Variants in SEMA3C observed in about 807,000 individuals in gnomAD.
SEMA3C encodes the protein semaphorin 3C.
In SEMA3C, 47 loss-of-function variants were observed where a neutral mutation model predicts 89.4. The ratio of observed to expected loss-of-function variants is 0.53; its 90% confidence interval spans 0.42 to 0.67. The LOEUF is 0.67. Ranked by LOEUF, SEMA3C falls within the 30% of genes least tolerant of loss-of-function variation. The pLI is 0.00. For missense variants in SEMA3C, 839 were observed against 929.1 expected, an observed-to-expected ratio of 0.90 and a Z score of 1.26; for synonymous variants, 310 against 320.2, an observed-to-expected ratio of 0.97 and a Z score of 0.34.
intron 2 of SEMA3C, among the ~76,000 whole-genome samples, chr7:80,831,098 G>A (rs1279896427): frequency 6.6e-6 from 1 of 152,172 alleles, no homozygotes; most frequent in East Asian, 1.9e-4. Context: ...GTAAGATATT[G>A]CTTGGGCTGC....
At chr7:80,904,313 T>A (rs1353708302) in intron 2 of SEMA3C, among the ~76,000 whole-genome samples, 3 of 152,196 alleles carry the variant, frequency 2.0e-5, no homozygotes, top group Non-Finnish European at 4.4e-5. Context: ...AGTGCTGGGA[T>A]TACAGGCATG....
At chr7:80,902,133 T>C (rs1791895953) in intron 2 of SEMA3C, among the ~76,000 whole-genome samples, 1 of 152,192 alleles carries the variant, frequency 6.6e-6, no homozygotes, top group Non-Finnish European at 1.5e-5. Flanking sequence ...CTGTATGTTT[T>C]GTAGAGAAAG....
At chr7:80,810,347 A>G (rs996157898) in intron 6 of SEMA3C, among the ~76,000 whole-genome samples, 4 of 152,324 alleles carry the variant, frequency 2.6e-5, no homozygotes, top group African/African-American at 7.2e-5. Context: ...ATGATAATAT[A>G]TAAGTATACA....
At chr7:80,792,544 T>C (rs1315399737) in intron 11 of SEMA3C, among the ~76,000 whole-genome samples, 6 of 152,204 alleles carry the variant, frequency 3.9e-5, no homozygotes. Flanking sequence ...AAATGACCAG[T>C]GCCTAGTCTC....
chr7:80,779,211 C>G (rs1408317631), intron 12 of SEMA3C, among the ~76,000 whole-genome samples: 1 of 152,164 alleles, frequency 6.6e-6, no homozygotes, highest in African/African-American at 2.4e-5. Context: ...TCAGTTTACA[C>G]AACTGTAAAA....
Position 80,744,720 on chromosome 7 carries a change from G to A in SEMA3C, c.*174C>T. Reference sequence around the variant, plus strand: ...GAGGACCATGACATGTCTAGTGCTAGTCACTATCATACAAGAAAATGCATG... The same window carrying A: ...GAGGACCATGACATGTCTAGTGCTAATCACTATCATACAAGAAAATGCATG... On this transcript the variant is annotated 3_prime_UTR_variant, in exon 18 of 18. Transcript: ENST00000265361. 2 of 663,722 alleles carry A rather than the reference G, an allele frequency of 3.0e-6. No individual in the cohort carries two copies. The highest frequency in any genetic ancestry group is 2.7e-5 in the East Asian group (1 of 37,052). 41.1% of individuals were successfully genotyped at this position (663,722 alleles called of 1,614,324 possible).
chr7:80,889,805 T>C (rs1791570408), intron 2 of SEMA3C, among the ~76,000 whole-genome samples: 1 of 152,202 alleles, frequency 6.6e-6, no homozygotes, highest in African/African-American at 2.4e-5. Flanking sequence ...TAAATTTGTT[T>C]CATCCATGAT....
At chr7:80,898,910 T>C (rs1348645653) in intron 2 of SEMA3C, among the ~76,000 whole-genome samples, 1 of 151,838 alleles carries the variant, frequency 6.6e-6, no homozygotes, top group Non-Finnish European at 1.5e-5. Context: ...ATGGCCTAAA[T>C]TGGTTTATAG....
At position 80,828,566 on chromosome 7, in the gene SEMA3C, G is replaced by C; in HGVS notation, c.264+19C>G. 1.3e-6 allele frequency: 2 copies of C among 1,582,648 alleles called. No individual in the cohort carries two copies. The highest frequency in any genetic ancestry group is 2.2e-5 in the East Asian group (1 of 44,460). On this transcript the variant is annotated intron_variant, in intron 3 of 17. Coordinates refer to ENST00000265361, the MANE Select transcript of SEMA3C (RefSeq NM_006379.5). ...CATTGAAAAGGTGGACACTGTCCTC[G>C]TGAAAGTGATAAACTTACACTCAAA...
chr7:80,906,272 A>G (rs2116220165), intron 2 of SEMA3C, among the ~76,000 whole-genome samples: 1 of 152,358 alleles, frequency 6.6e-6, no homozygotes, highest in East Asian at 1.9e-4. Context: ...CAGAAGCAAT[A>G]TTAGAAAAGG....
At chr7:80,828,891 T>C in intron 2 of SEMA3C, 146 bp from the exon 3 acceptor site, 1 of 667,092 alleles carries the variant, frequency 1.5e-6, no homozygotes, top group South Asian at 2.8e-5. Context: ...AATAGAGTTA[T>C]GGGCTAGTTC....
At chr7:80,748,388 C>T (rs570437919) in intron 17 of SEMA3C, among the ~76,000 whole-genome samples, 1 of 152,162 alleles carries the variant, frequency 6.6e-6, no homozygotes, top group Non-Finnish European at 1.5e-5. Flanking sequence ...CTCCCATAAA[C>T]AATGATTCCA....
chr7:80,810,569 G>A, intron 6 of SEMA3C, 42 bp downstream of exon 6: 1 of 1,511,692 alleles, frequency 6.6e-7, no homozygotes, highest in Admixed American at 1.7e-5. Context: ...AATTTTCCAT[G>A]TTATTTTATG....
chr7:80,777,010 T>C (rs1209843346), intron 12 of SEMA3C, among the ~76,000 whole-genome samples: 1 of 152,184 alleles, frequency 6.6e-6, no homozygotes, highest in Non-Finnish European at 1.5e-5. Context: ...ACAGATATTA[T>C]ATAGGTACAT....
At chr7:80,832,777 T>C (rs1377728437) in intron 2 of SEMA3C, among the ~76,000 whole-genome samples, 2 of 152,172 alleles carry the variant, frequency 1.3e-5, no homozygotes, top group Non-Finnish European at 2.9e-5. Context: ...AGTTACTGAA[T>C]TAACCGGAAC....
intron 2 of SEMA3C, among the ~76,000 whole-genome samples, chr7:80,890,730 T>C (rs1791591597): frequency 6.6e-6 from 1 of 152,224 alleles, no homozygotes; most frequent in African/African-American, 2.4e-5. Context: ...GTTTAGATTC[T>C]GGCAAGGTTT....
chr7:80,852,810 C>T (rs1408023461), intron 2 of SEMA3C, among the ~76,000 whole-genome samples: 1 of 151,704 alleles, frequency 6.6e-6, no homozygotes. Flanking sequence ...TCCCGAGTAG[C>T]TGGGACTACA....
At chr7:80,862,399 T>A (rs1290561961) in intron 2 of SEMA3C, among the ~76,000 whole-genome samples, 3 of 152,038 alleles carry the variant, frequency 2.0e-5, no homozygotes, top group African/African-American at 7.2e-5. Flanking sequence ...TCAAAAGACC[T>A]CTACAAGGAA....
At chr7:80,747,398 A>G (rs1299239358) in intron 17 of SEMA3C, among the ~76,000 whole-genome samples, 1 of 152,102 alleles carries the variant, frequency 6.6e-6, no homozygotes, top group Non-Finnish European at 1.5e-5. Context: ...ATTCTATTGA[A>G]CTTTCTACTG....
Sources: allele counts gnomAD v4.1 joint callset (sites outside exome capture counted in the v4.1 genomes callset), GRCh38; gene constraint gnomAD v4.1.1; transcripts MANE v1.5; gene names NCBI Gene and HGNC (gene_info 2026-07-23, HGNC 2026-07-21).